Variants in FANCC observed in about 807,000 individuals in gnomAD.
FANCC encodes Fanconi anemia group C protein.
A neutral mutation model predicts 71.3 loss-of-function variants in FANCC; 55 were observed. The observed-to-expected ratio is 0.77, with a 90% CI of 0.62 to 0.97. The LOEUF (loss-of-function observed/expected upper bound fraction) is 0.97, where lower values mean the gene tolerates loss of function less well. Among genes scored for constraint, FANCC ranks in the 50% least tolerant of loss-of-function variants. The probability of loss-of-function intolerance (pLI) is 0.00; values close to 1 mark genes in which losing one functional copy is unlikely to be tolerated. For missense variants in FANCC, 678 were observed against 670.9 expected (o/e 1.01, Z -0.12); for synonymous variants, 275 against 244.9 (o/e 1.12, Z -1.15).
chr9:95,126,616 T>C, intron 8 of FANCC, 35 bp from the exon 9 acceptor site: 2 of 1,605,594 alleles, frequency 1.2e-6, no homozygotes, highest in East Asian at 2.2e-5. Context: ...ATGTGAAATA[T>C]CACAAGCACT....
chr9:95,260,409 A>T (rs1831953074), intron 1 of FANCC, among the ~76,000 whole-genome samples: 1 of 152,134 alleles, frequency 6.6e-6, no homozygotes, highest in Non-Finnish European at 1.5e-5. Flanking sequence ...ATGAAGCCGG[A>T]AGCCGTCATT....
intron 1 of FANCC, among the ~76,000 whole-genome samples, chr9:95,303,807 G>C (rs79558313): frequency 6.6e-6 from 1 of 152,146 alleles, no homozygotes; most frequent in South Asian, 2.1e-4. Flanking sequence ...TATGAATGGG[G>C]GAGGGGTGGA....
chr9:95,280,989 T>C (rs772389393), intron 1 of FANCC, among the ~76,000 whole-genome samples: 1 of 152,024 alleles, frequency 6.6e-6, no homozygotes. Flanking sequence ...GACAGGTTAA[T>C]TGAAAATACG....
intron 4 of FANCC, among the ~76,000 whole-genome samples, chr9:95,214,352 A>T (rs932892705): frequency 6.6e-6 from 1 of 152,184 alleles, no homozygotes; most frequent in Non-Finnish European, 1.5e-5. Flanking sequence ...AGATCGGTTG[A>T]GCCCAGGAGT....
At chr9:95,261,144 C>T (rs183652514) in intron 1 of FANCC, among the ~76,000 whole-genome samples, 8 of 152,326 alleles carry the variant, frequency 5.3e-5, no homozygotes, top group East Asian at 1.9e-4. Context: ...CCGAAGCAGA[C>T]ATATAAGGTG....
chr9:95,249,054 A>G, intron 2 of FANCC, 73 bp downstream of exon 2: 1 of 1,534,282 alleles, frequency 6.5e-7, no homozygotes, highest in South Asian at 1.1e-5. Flanking sequence ...TCTGGGTGGC[A>G]TTCTGTCTTG....
At chr9:95,219,131 T>G (rs1385605492) in intron 4 of FANCC, among the ~76,000 whole-genome samples, 1 of 152,164 alleles carries the variant, frequency 6.6e-6, no homozygotes, top group Non-Finnish European at 1.5e-5. Context: ...ACTTTGGATC[T>G]CAGGTTGAAG....
intron 6 of FANCC, among the ~76,000 whole-genome samples, chr9:95,158,371 G>A (rs1001684377): frequency 5.3e-5 from 8 of 152,082 alleles, no homozygotes; most frequent in Non-Finnish European, 1.2e-4. Context: ...GGTGGTAAGA[G>A]AACGATGATA....
At chr9:95,312,888 T>A (rs1835494511) in intron 1 of FANCC, among the ~76,000 whole-genome samples, 1 of 152,174 alleles carries the variant, frequency 6.6e-6, no homozygotes, top group Non-Finnish European at 1.5e-5. Flanking sequence ...GTGGGTGCTG[T>A]ACCAGTACAA....
chr9:95,179,071 T>A (rs1428109459), intron 4 of FANCC, among the ~76,000 whole-genome samples: 1 of 152,224 alleles, frequency 6.6e-6, no homozygotes, highest in Non-Finnish European at 1.5e-5. Flanking sequence ...TTAAAATAAT[T>A]ATAAAATTGC....
chr9:95,292,980 A>C, intron 1 of FANCC: 10 of 1,577,344 alleles, frequency 6.3e-6, no homozygotes, highest in Non-Finnish European at 8.7e-6. Flanking sequence ...TGGCCACGAG[A>C]TCCCTGCAGA....
intron 13 of FANCC, chr9:95,110,459 T>G (rs2071828440): frequency 9.7e-7 from 1 of 1,028,888 alleles, no homozygotes; most frequent in Non-Finnish European, 1.2e-6. Context: ...GGGGAAGAAA[T>G]AAAAAGCTTT....
intron 1 of FANCC, among the ~76,000 whole-genome samples, chr9:95,278,789 C>T (rs551999150): frequency 2.9e-3 from 14 of 4,872 alleles, no homozygotes; most frequent in South Asian, 0.012. Context: ...CTATATATCA[C>T]GGTAATTATT....
chr9:95,299,742 T>G (rs746890073), intron 1 of FANCC, among the ~76,000 whole-genome samples: 1 of 152,122 alleles, frequency 6.6e-6, no homozygotes, highest in Non-Finnish European at 1.5e-5. Flanking sequence ...ATGCCTGTGG[T>G]TCCAGCTACA....
intron 1 of FANCC, chr9:95,294,735 G>GA: frequency 6.2e-7 from 1 of 1,601,750 alleles, no homozygotes; most frequent in Middle Eastern, 1.7e-4. Flanking sequence ...ATATGGCCTG[G>GA]AACATGATGG....
intron 6 of FANCC, among the ~76,000 whole-genome samples, chr9:95,167,866 G>A (rs73532166): frequency 0.011 from 1,720 of 152,156 alleles, 31 homozygotes; most frequent in African/African-American, 0.039. Flanking sequence ...ATTATGCCAC[G>A]TTTCCCTGGT....
At chr9:95,157,340 G>T (rs1437775868) in intron 6 of FANCC, among the ~76,000 whole-genome samples, 1 of 152,178 alleles carries the variant, frequency 6.6e-6, no homozygotes, top group East Asian at 1.9e-4. Context: ...CTGATAAATG[G>T]TGTTGTCATA....
chr9:95,135,582 T>C, intron 7 of FANCC, 80 bp from the exon 8 acceptor site: 2 of 1,195,618 alleles, frequency 1.7e-6, no homozygotes, highest in Non-Finnish European at 2.4e-6. Flanking sequence ...CAAAATGCAA[T>C]CACTAATCCA....
chr9:95,143,245 C>G (rs1829032662), intron 7 of FANCC, among the ~76,000 whole-genome samples: 1 of 152,202 alleles, frequency 6.6e-6, no homozygotes, highest in Non-Finnish European at 1.5e-5. Context: ...CCTCTCCAGG[C>G]ACGTCACCTT....
Sources: allele counts gnomAD v4.1 joint callset (sites outside exome capture counted in the v4.1 genomes callset), GRCh38; gene constraint gnomAD v4.1.1; transcripts MANE v1.5; gene names NCBI Gene and HGNC (gene_info 2026-07-23, HGNC 2026-07-21).